The following C10orf90 variants were observed in gnomAD, a reference collection of about 807,000 sequenced individuals.
C10orf90 encodes chromosome 10 open reading frame 90.
In C10orf90, 56 loss-of-function variants were observed where a neutral mutation model predicts 62.5. The ratio of observed to expected loss-of-function variants is 0.90; its 90% CI spans 0.72 to 1.12. The LOEUF is 1.12. C10orf90 is among the 50% of genes most tolerant of loss of function. C10orf90 has a pLI of 0.00. For missense variants in C10orf90, 970 were observed against 880.4 expected (o/e 1.10, Z -1.29); for synonymous variants, 386 against 340.4 (o/e 1.13, Z -1.47).
chr10:126,614,274 A>G (rs1403795368), intron 2 of C10orf90, among the ~76,000 whole-genome samples: 2 of 152,196 alleles, frequency 1.3e-5, no homozygotes, highest in Non-Finnish European at 2.9e-5. Flanking sequence ...AAAACCACAG[A>G]AATCAAATGA....
rs1860201121 is a variant in C10orf90 at position 126,464,983 on chromosome 10, T to C, written c.1538A>G (p.His513Arg). ...GCTGCTTCCAGAAAATACTTTTGTGTGTACTAAAAATAAAACGAGAGTTGT... is the reference window on the plus strand; with the variant it reads ...GCTGCTTCCAGAAAATACTTTTGTGCGTACTAAAAATAAAACGAGAGTTGT... Reference protein sequence around the residue: ...HIPGWSYRAVHTKVFSGSSKR... With the variant: ...HIPGWSYRAVRTKVFSGSSKR... The change falls in exon 5 of 10, where the codon CAC (histidine) becomes CGC (arginine). Residue 513 changes from histidine to arginine, a missense_variant. Transcript: ENST00000488181. 1 of 1,592,754 alleles carries C rather than the reference T, an allele frequency of 6.3e-7. No homozygotes were observed. Among genetic ancestry groups the C allele is most frequent in the Non-Finnish European group, 8.6e-7 (1 of 1,162,688 alleles).
intron 7 of C10orf90, among the ~76,000 whole-genome samples, chr10:126,438,543 C>A (rs1187021877): frequency 6.6e-6 from 1 of 151,876 alleles, no homozygotes; most frequent in Non-Finnish European, 1.5e-5. Context: ...CAGTATACGA[C>A]AAATAACATA....
At chr10:126,435,992 G>A (rs1327661817) in intron 7 of C10orf90, among the ~76,000 whole-genome samples, 1 of 152,172 alleles carries the variant, frequency 6.6e-6, no homozygotes, top group Non-Finnish European at 1.5e-5. Context: ...CTCCTCAAGA[G>A]ATCCAGTAAG....
At chr10:126,641,173 C>T (rs1250856876) in intron 2 of C10orf90, among the ~76,000 whole-genome samples, 12 of 152,142 alleles carry the variant, frequency 7.9e-5, no homozygotes, top group Non-Finnish European at 1.0e-4. Flanking sequence ...AAATGTAACT[C>T]GCACCAGGTT....
chr10:126,550,181 C>T (rs913877590), intron 2 of C10orf90, among the ~76,000 whole-genome samples: 6 of 152,194 alleles, frequency 3.9e-5, no homozygotes, highest in South Asian at 4.1e-4. Flanking sequence ...GTCTCGAACT[C>T]CTGACCTCAG....
At chr10:126,441,908 A>G (rs1299028064) in intron 7 of C10orf90, among the ~76,000 whole-genome samples, 3 of 152,222 alleles carry the variant, frequency 2.0e-5, no homozygotes, top group Admixed American at 6.5e-5. Context: ...CAAATCCTGG[A>G]AACACATCAA....
intron 2 of C10orf90, among the ~76,000 whole-genome samples, chr10:126,639,598 A>C (rs982781076): frequency 6.6e-6 from 1 of 152,092 alleles, no homozygotes; most frequent in African/African-American, 2.4e-5. Flanking sequence ...CCACATGTCC[A>C]CCCCGATGTC....
In C10orf90 at chr10:126,642,776, T is replaced by C. The variant is rs564838815; in HGVS notation, c.313+3789A>G. ...ATCTCTATGCCACACTGCCAGCTGC[T>C]TCGCGAGCATCTGGAGCAGATGAGG... On this transcript the variant is annotated intron_variant, in intron 2 of 9. Coordinates refer to ENST00000488181, the MANE Select transcript of C10orf90 (RefSeq NM_001350921.2). Among the ~76,000 whole-genome samples, 10 of 152,260 alleles carry C rather than the reference T, an allele frequency of 6.6e-5. No individual in the cohort carries two copies. The East Asian group carries it at 1.7e-3, about 27-fold the overall frequency.
intron 2 of C10orf90, among the ~76,000 whole-genome samples, chr10:126,631,435 T>A (rs1352204099): frequency 6.6e-6 from 1 of 152,120 alleles, no homozygotes; most frequent in Non-Finnish European, 1.5e-5. Flanking sequence ...CAAACTCCTA[T>A]TCAACCCTCT....
At chr10:126,486,912 G>A (rs1471613232) in intron 4 of C10orf90, among the ~76,000 whole-genome samples, 2 of 151,992 alleles carry the variant, frequency 1.3e-5, no homozygotes, top group African/African-American at 2.4e-5. Context: ...GGAGGCCAAG[G>A]GGGGTGGATC....
intron 3 of C10orf90, among the ~76,000 whole-genome samples, chr10:126,506,055 T>A (rs534327960): frequency 2.6e-5 from 4 of 152,184 alleles, no homozygotes; most frequent in Admixed American, 6.5e-5. Flanking sequence ...CTTATCAGAA[T>A]TGGGGGACAG....
At chr10:126,448,156 C>A (rs1858920333) in intron 7 of C10orf90, among the ~76,000 whole-genome samples, 1 of 151,490 alleles carries the variant, frequency 6.6e-6, no homozygotes, top group Non-Finnish European at 1.5e-5. Context: ...AGGCCTGAGC[C>A]ACCGCACCCG....
intron 2 of C10orf90, among the ~76,000 whole-genome samples, chr10:126,603,216 C>A (rs1432043532): frequency 1.3e-5 from 2 of 152,272 alleles, no homozygotes; most frequent in East Asian, 1.9e-4. Flanking sequence ...AATTGACTCA[C>A]AACCCCTTAG....
chr10:126,438,804 G>A (rs1043647919), intron 7 of C10orf90, among the ~76,000 whole-genome samples: 28 of 151,918 alleles, frequency 1.8e-4, no homozygotes, highest in African/African-American at 5.8e-4. Flanking sequence ...AGGCCACATG[G>A]CATCTCTTAA....
At chr10:126,619,406 C>T (rs1001481668) in intron 2 of C10orf90, among the ~76,000 whole-genome samples, 1 of 152,208 alleles carries the variant, frequency 6.6e-6, no homozygotes, top group African/African-American at 2.4e-5. Flanking sequence ...CTTACTCCTT[C>T]AAGCAATGCA....
chr10:126,459,177 G>T lies in C10orf90; in HGVS notation c.2051C>A (p.Ser684Ter), dbSNP rs1312284920. The change falls in exon 7 of 10, where the codon TCA (serine) becomes TAA (stop). Residue 684 changes from serine to a stop codon, truncating the protein, a stop_gained. Coordinates refer to ENST00000488181, the MANE Select transcript of C10orf90 (RefSeq NM_001350921.2). LOFTEE classifies it high-confidence loss of function. ...TTCAAGCTTCTTCAGCCGTTCTTGT[G>T]AGCGAGAAATGAACTGAGGCTTACG... ...EVRKPQFISRSQERLKKLEHM... is the reference protein window; with the variant it reads ...EVRKPQFISR 1 of 1,614,148 alleles carries T rather than the reference G, an allele frequency of 6.2e-7. No homozygotes were observed. The highest frequency in any genetic ancestry group is 2.2e-5 in the East Asian group (1 of 44,876).
intron 2 of C10orf90, among the ~76,000 whole-genome samples, chr10:126,562,977 C>T (rs548956741): frequency 1.2e-4 from 18 of 152,326 alleles, no homozygotes; most frequent in East Asian, 5.8e-4. Context: ...ATGGGCTGGG[C>T]GGAGGGACCC....
intron 2 of C10orf90, among the ~76,000 whole-genome samples, chr10:126,594,217 C>T (rs1027574573): frequency 1.3e-5 from 2 of 150,606 alleles, no homozygotes; most frequent in South Asian, 2.1e-4. Flanking sequence ...AGCTGCAGGA[C>T]GGTATGGCTA....
At chr10:126,472,432 G>A (rs1272089978) in intron 4 of C10orf90, among the ~76,000 whole-genome samples, 1 of 151,954 alleles carries the variant, frequency 6.6e-6, no homozygotes, top group African/African-American at 2.4e-5. Context: ...TTTCCACTTT[G>A]GATACAGCTT....
Sources: allele counts gnomAD v4.1 joint callset (sites outside exome capture counted in the v4.1 genomes callset), GRCh38; gene constraint gnomAD v4.1.1; transcripts MANE v1.5; gene names NCBI Gene and HGNC (gene_info 2026-07-23, HGNC 2026-07-21).